EYS: variants seen among roughly 807,000 people sequenced by gnomAD.
The protein encoded by EYS is protein eyes shut homolog.
EYS carries 250 observed loss-of-function variants against 282.1 expected under a neutral mutation model. The ratio of observed to expected loss-of-function variants is 0.89; its 90% CI spans 0.80 to 0.98. EYS has a LOEUF of 0.98. Ranked by LOEUF, EYS falls within the 50% of genes least tolerant of loss-of-function variation. The pLI is 0.00. For missense variants in EYS, 4,016 were observed against 3,709.0 expected (o/e 1.08, Z -2.15); for synonymous variants, 1,355 against 1,282.9 (o/e 1.06, Z -1.20).
At chr6:63,875,095 A>G (rs1271123768) in intron 35 of EYS, among the ~76,000 whole-genome samples, 1 of 152,102 alleles carries the variant, frequency 6.6e-6, no homozygotes, top group African/African-American at 2.4e-5. Flanking sequence ...TCAGTATGAT[A>G]TTGGCTGTGG....
chr6:63,768,947 A>G (rs1354886676), intron 40 of EYS, among the ~76,000 whole-genome samples: 1 of 152,136 alleles, frequency 6.6e-6, no homozygotes, highest in Non-Finnish European at 1.5e-5. Flanking sequence ...GGAGGCCATT[A>G]TCTTAAGCAA....
At chr6:65,451,698 A>C (rs918717784) in intron 5 of EYS, among the ~76,000 whole-genome samples, 1 of 151,910 alleles carries the variant, frequency 6.6e-6, no homozygotes, top group African/African-American at 2.4e-5. Flanking sequence ...AGTATGAAAC[A>C]CACTGTTTTT....
intron 14 of EYS, among the ~76,000 whole-genome samples, chr6:64,995,759 G>C (rs1342865149): frequency 7.1e-6 from 1 of 141,354 alleles, no homozygotes; most frequent in Non-Finnish European, 1.5e-5. Context: ...CTGGAAACAG[G>C]AGTCAAGATT....
At chr6:64,929,460 T>A (rs916815095) in intron 15 of EYS, among the ~76,000 whole-genome samples, 52 of 152,200 alleles carry the variant, frequency 3.4e-4, no homozygotes, top group African/African-American at 1.2e-3. Flanking sequence ...TGCCACTTCC[T>A]GTAAAACATA....
At chr6:65,550,008 G>C (rs1481400250) in intron 2 of EYS, among the ~76,000 whole-genome samples, 3 of 152,144 alleles carry the variant, frequency 2.0e-5, no homozygotes, top group Admixed American at 2.0e-4. Flanking sequence ...TGGACCAGTG[G>C]TACAGTGAAT....
chr6:65,326,173 A>AT (rs1769613144), intron 11 of EYS, among the ~76,000 whole-genome samples: 2 of 152,102 alleles, frequency 1.3e-5, no homozygotes, highest in Non-Finnish European at 2.9e-5. Context: ...TAAATTATAC[A>AT]TTTTTATATA....
intron 28 of EYS, among the ~76,000 whole-genome samples, chr6:64,401,409 G>C (rs1773533569): frequency 6.6e-6 from 1 of 151,990 alleles, no homozygotes; most frequent in Non-Finnish European, 1.5e-5. Flanking sequence ...AAAGGAATTA[G>C]TATGAAATAA....
At chr6:64,643,751 G>C (rs1308999585) in intron 22 of EYS, among the ~76,000 whole-genome samples, 1 of 152,184 alleles carries the variant, frequency 6.6e-6, no homozygotes, top group Non-Finnish European at 1.5e-5. Flanking sequence ...TTTTATAAGG[G>C]AGAGTTTCCT....
Position 63,726,563 on chromosome 6 carries a change from T to A in EYS, c.8189A>T (p.Asp2730Val). 1 of 1,551,408 alleles carries A rather than the reference T, an allele frequency of 6.4e-7. No individual in the cohort carries two copies. The highest frequency in any genetic ancestry group is 8.7e-7 in the Non-Finnish European group (1 of 1,146,806). Residue 2730 changes from aspartate (D) to valine (V), a missense_variant, in exon 42 of 43, where the codon GAT (aspartate) becomes GTT (valine). Coordinates refer to ENST00000503581, the MANE Select transcript of EYS (RefSeq NM_001142800.2). ...TTGTGCAGCATAAAATAGGATACCA[T>A]CTGCAGCGAGAGGCTGAAACTGCAA... ...IQLQFQPLAADGILFYAAQHL... is the reference protein window; with the variant it reads ...IQLQFQPLAAVGILFYAAQHL...
chr6:64,044,636 ATG>A (rs891924614), intron 33 of EYS, among the ~76,000 whole-genome samples: 2 of 152,160 alleles, frequency 1.3e-5, no homozygotes, highest in African/African-American at 4.8e-5. Flanking sequence ...TTCCCCACAC[ATG>A]TCTTAGAGTG....
intron 31 of EYS, among the ~76,000 whole-genome samples, chr6:64,116,859 T>G (rs114047381): frequency 0.019 from 2,936 of 152,204 alleles, 81 homozygotes; most frequent in African/African-American, 0.066. Flanking sequence ...GGGGTCACTT[T>G]ATTAAGAAGA....
intron 19 of EYS, among the ~76,000 whole-genome samples, chr6:64,871,650 G>A (rs1766601117): frequency 1.3e-5 from 2 of 152,040 alleles, no homozygotes; most frequent in South Asian, 2.1e-4. Context: ...TTCTCTAAAG[G>A]TCAACACCAT....
chr6:63,851,144 C>T (rs910387490), intron 36 of EYS, among the ~76,000 whole-genome samples: 4 of 152,152 alleles, frequency 2.6e-5, no homozygotes, highest in African/African-American at 9.7e-5. Flanking sequence ...TATATACGCA[C>T]CCAATACAGG....
chr6:64,430,582 C>G (rs552492212), intron 28 of EYS, among the ~76,000 whole-genome samples: 3 of 152,230 alleles, frequency 2.0e-5, no homozygotes, highest in African/African-American at 7.2e-5. Flanking sequence ...ATTGTGTTTA[C>G]TGATTTTTTG....
intron 28 of EYS, among the ~76,000 whole-genome samples, chr6:64,424,885 G>A (rs1400570421): frequency 6.6e-6 from 1 of 152,082 alleles, no homozygotes; most frequent in Non-Finnish European, 1.5e-5. Context: ...TAACTTGAGA[G>A]GAAAAATTTT....
chr6:64,022,240 T>C lies in EYS; in HGVS notation c.6726-23057A>G, dbSNP rs749668887. Among the ~76,000 whole-genome samples the C allele has an allele frequency of 2.6e-5, 4 of 152,218 alleles. No individual in the cohort carries two copies. The East Asian group carries it at 7.7e-4, about 29-fold the overall frequency. On this transcript the variant is annotated intron_variant, in intron 33 of 42. Coordinates refer to ENST00000503581, the MANE Select transcript of EYS (RefSeq NM_001142800.2). The stretch of plus-strand genomic sequence containing the variant: ...ATATATAAAGGAGTTTGGATAACTT[T>C]ATAATTTTAAAAGTTTTTCTCATTC...
intron 22 of EYS, among the ~76,000 whole-genome samples, chr6:64,642,318 A>C (rs2151998): frequency 0.015 from 2,245 of 152,316 alleles, 27 homozygotes; most frequent in Non-Finnish European, 0.023. Flanking sequence ...TTTAATAATT[A>C]CCAGTTTTCA....
intron 28 of EYS, among the ~76,000 whole-genome samples, chr6:64,426,363 G>T (rs1270819598): frequency 6.6e-6 from 1 of 152,162 alleles, no homozygotes; most frequent in South Asian, 2.1e-4. Flanking sequence ...AACAAAAGCT[G>T]TGTCAGTTGT....
chr6:64,656,742 G>A (rs1410274098), intron 22 of EYS, among the ~76,000 whole-genome samples: 1 of 152,118 alleles, frequency 6.6e-6, no homozygotes, highest in Non-Finnish European at 1.5e-5. Flanking sequence ...TGGATTGGGA[G>A]GATGAGAAGG....
Sources: gnomAD v4.1 joint callset for allele counts (sites outside exome capture counted in the v4.1 genomes callset) on GRCh38, gnomAD v4.1.1 for gene constraint, MANE v1.5 for transcripts, NCBI Gene and HGNC (gene_info 2026-07-23, HGNC 2026-07-21) for gene names.